Variants in NINJ1 observed in about 807,000 individuals in gnomAD.
NINJ1 encodes ninjurin 1, also known as ninjurin-1.
NINJ1 carries 6 observed loss-of-function variants against 12.7 expected under a neutral mutation model. That is an observed-to-expected ratio of 0.47 (90% CI 0.26 to 0.93). The LOEUF (loss-of-function observed/expected upper bound fraction) is 0.93. NINJ1 is among the 40% of genes least tolerant of loss of function. NINJ1 has a pLI of 0.15. For synonymous variants in NINJ1, 100 were observed against 96.0 expected (o/e 1.04, Z -0.25); for missense variants, 170 against 213.0 (o/e 0.80, Z 1.26).
intron 2 of NINJ1, chr9:93,126,023 C>G (rs1179422048): frequency 1.4e-5 from 3 of 218,804 alleles, no homozygotes; most frequent in Non-Finnish European, 2.8e-5. Flanking sequence ...ATGGCGTAAC[C>G]TCATCTCTAC....
At chr9:93,134,044 T>C (rs905733939) in intron 1 of NINJ1, 99 bp downstream of exon 1, 5 of 911,516 alleles carry the variant, frequency 5.5e-6, no homozygotes, top group Admixed American at 2.7e-5. Flanking sequence ...CCCAACACTC[T>C]GCAGTGCGGA....
In NINJ1 at chr9:93,124,991, C is replaced by T. The variant is rs763956891; in HGVS notation, c.376G>A (p.Val126Met). Residue 126 changes from valine to methionine, a missense_variant, in exon 3 of 4, where the codon GTG becomes ATG. Val to Met is a conservative substitution (Grantham distance 21). Coordinates refer to ENST00000375446, the MANE Select transcript of NINJ1 (RefSeq NM_004148.4). Reference sequence around the variant, plus strand: ...ATGTTGACTACCACGATGATGAACACCAGGCCCGTGGCCAGGTTGTTGAGG... The same window carrying T: ...ATGTTGACTACCACGATGATGAACATCAGGCCCGTGGCCAGGTTGTTGAGG... ...DFLNNLATGL[V>M]FIIVVVNIFI... The T allele has an allele frequency of 1.9e-6, 3 of 1,613,986 alleles. No homozygotes were observed. The African/African-American group carries it at 4.0e-5, about 22-fold the overall frequency.
chr9:93,128,742 C>A (rs1165213019), intron 1 of NINJ1, among the ~76,000 whole-genome samples: 1 of 152,202 alleles, frequency 6.6e-6, no homozygotes, highest in Non-Finnish European at 1.5e-5. Flanking sequence ...CAAGTGCAGA[C>A]CCCGTGAGGA....
intron 1 of NINJ1, among the ~76,000 whole-genome samples, chr9:93,128,007 T>G (rs1827837588): frequency 6.6e-6 from 1 of 152,296 alleles, no homozygotes; most frequent in South Asian, 2.1e-4. Flanking sequence ...TCATCTAAAA[T>G]TATGTGCCCA....
chr9:93,123,829 G>A (rs1032258591), intron 3 of NINJ1, among the ~76,000 whole-genome samples: 1 of 152,256 alleles, frequency 6.6e-6, no homozygotes, highest in Non-Finnish European at 1.5e-5. Context: ...GCACCATGTG[G>A]CCCTGGCCAT....
Position 93,121,616 on chromosome 9 carries a change from G to A in NINJ1, c.*624C>T, listed in dbSNP as rs1388302424. The A allele has an allele frequency of 6.6e-6, 1 of 152,370 alleles. No homozygotes were observed. The highest frequency in any genetic ancestry group is 2.4e-5 in the African/African-American group (1 of 41,474). The allele number at this position is 152,370 out of a possible 1,614,324, so 9.4% of individuals were successfully genotyped here. A position where few individuals can be genotyped will look rare whatever the true frequency, so the allele number is the denominator to read the frequency against. ...ACTGCTGGTGCAGGGTATATACAAG[G>A]TCTACGGCCCTCACAGGCCTGACTG... On this transcript the variant is annotated 3_prime_UTR_variant, in exon 4 of 4. Transcript: ENST00000375446.
intron 2 of NINJ1, chr9:93,126,006 G>A: frequency 5.3e-6 from 1 of 188,876 alleles, no homozygotes; most frequent in Non-Finnish European, 1.1e-5. Context: ...AAATTCGACT[G>A]GGCAACATGG....
At position 93,125,147 on chromosome 9, in the gene NINJ1, A is replaced by G. The variant is rs577849243; in HGVS notation, c.305-85T>C. 334 of 1,380,028 alleles carry G rather than the reference A, an allele frequency of 2.4e-4. 1 individual carries two copies. The highest frequency in any genetic ancestry group is 1.4e-4 in the Non-Finnish European group (139 of 1,013,536). The allele number at this position is 1,380,028 out of a possible 1,614,324, so 85.5% of individuals were successfully genotyped here. A position where few individuals can be genotyped will look rare whatever the true frequency, so the allele number is the denominator to read the frequency against. On this transcript the variant is annotated intron_variant, in intron 2 of 3. Transcript: ENST00000375446. ...GGGACAGTGGAAGGGGACCCACCCC[A>G]GCGGTCAAGCTGTCCTGGGACATTA... is the stretch of plus-strand genomic sequence containing the variant.
chr9:93,125,082 G>A lies in NINJ1; in HGVS notation c.305-20C>T, dbSNP rs776611922. 4 of 1,602,358 alleles carry A rather than the reference G, an allele frequency of 2.5e-6. No homozygotes were observed. The highest frequency in any genetic ancestry group is 3.4e-6 in the Non-Finnish European group (4 of 1,173,334). On this transcript the variant is annotated intron_variant, in intron 2 of 3. Coordinates refer to ENST00000375446, the MANE Select transcript of NINJ1 (RefSeq NM_004148.4). ...ACTTGACTGTGGGCGAGAGAGGAGTGGATGGTGCCAAGGGCAGCCCAGACG... is the reference window on the plus strand; with the variant it reads ...ACTTGACTGTGGGCGAGAGAGGAGTAGATGGTGCCAAGGGCAGCCCAGACG...
intron 1 of NINJ1, among the ~76,000 whole-genome samples, chr9:93,132,582 C>T (rs138416816): frequency 8.5e-5 from 13 of 152,382 alleles, no homozygotes; most frequent in African/African-American, 3.1e-4. Context: ...TGCCCCGCCC[C>T]CCACGATGGG....
At chr9:93,134,085 G>C (rs957529219) in intron 1 of NINJ1, 58 bp downstream of exon 1, 102 of 1,358,566 alleles carry the variant, frequency 7.5e-5, no homozygotes, top group Non-Finnish European at 9.8e-5. Context: ...GGGGAGCCGC[G>C]GCGCCCCGAA....
At chr9:93,127,806 T>C (rs1267614463) in intron 1 of NINJ1, among the ~76,000 whole-genome samples, 1 of 152,178 alleles carries the variant, frequency 6.6e-6, no homozygotes, top group Non-Finnish European at 1.5e-5. Context: ...GGGCCCTCTC[T>C]GGGAGATCCT....
At chr9:93,131,023 C>T (rs900676369) in intron 1 of NINJ1, among the ~76,000 whole-genome samples, 9 of 152,234 alleles carry the variant, frequency 5.9e-5, no homozygotes, top group Admixed American at 5.2e-4. Flanking sequence ...TTCTACCCCA[C>T]CATATGCTAG....
chr9:93,131,771 A>G (rs10114849), intron 1 of NINJ1, among the ~76,000 whole-genome samples: 146,559 of 152,334 alleles, frequency 0.96, 70,594 homozygotes, highest in African/African-American at 0.99. Flanking sequence ...CACACGGGGT[A>G]GGGGAGACCT....
intron 1 of NINJ1, 99 bp from the exon 2 acceptor site, chr9:93,126,737 CTT>C: frequency 1.2e-6 from 1 of 856,642 alleles, no homozygotes; most frequent in Non-Finnish European, 1.8e-6. Context: ...CAGGTGAGGG[CTT>C]CCCTTGCCCC....
At position 93,125,040 on chromosome 9, in the gene NINJ1, C is replaced by A; in HGVS notation, c.327G>T (p.Pro109=). 1.2e-6 allele frequency: 2 copies of A among 1,613,230 alleles called. No homozygotes were observed. Among genetic ancestry groups the A allele is most frequent in the Non-Finnish European group, 1.7e-6 (2 of 1,179,526 alleles). Residue 109 remains proline (P), a synonymous_variant, in exon 3 of 4, where the codon CCG becomes CCT. Coordinates refer to ENST00000375446, the MANE Select transcript of NINJ1 (RefSeq NM_004148.4). Reference sequence around the variant, plus strand: ...GGAAGTCCAGCTTGGCGTGCTTGGCCGGGTTGTTAAGGTCGTACTTGACTG... The same window carrying A: ...GGAAGTCCAGCTTGGCGTGCTTGGCAGGGTTGTTAAGGTCGTACTTGACTG... The part of the protein sequence containing the change: ...IFLVKYDLNN[P]AKHAKLDFLN...
chr9:93,122,825 CCA>C (rs1313734928), intron 3 of NINJ1, among the ~76,000 whole-genome samples: 1 of 152,236 alleles, frequency 6.6e-6, no homozygotes, highest in Non-Finnish European at 1.5e-5. Flanking sequence ...CCCACGTGGC[CCA>C]CAGACGCAGC....
At chr9:93,128,980 T>C (rs1330992954) in intron 1 of NINJ1, among the ~76,000 whole-genome samples, 1 of 152,210 alleles carries the variant, frequency 6.6e-6, no homozygotes, top group East Asian at 1.9e-4. Context: ...AATTCCCTTT[T>C]TTTCTGAGCT....
At chr9:93,129,292 C>CT (rs1211938455) in intron 1 of NINJ1, among the ~76,000 whole-genome samples, 1 of 152,240 alleles carries the variant, frequency 6.6e-6, no homozygotes, top group Non-Finnish European at 1.5e-5. Context: ...GGGCTGAACT[C>CT]TCAATGGCTC....
Sources: allele counts gnomAD v4.1 joint callset (sites outside exome capture counted in the v4.1 genomes callset), GRCh38; gene constraint gnomAD v4.1.1; transcripts MANE v1.5; gene names NCBI Gene and HGNC (gene_info 2026-07-23, HGNC 2026-07-21).